Variants in CACNA1E observed in about 807,000 individuals in gnomAD.
The protein encoded by CACNA1E is voltage-dependent R-type calcium channel subunit alpha-1E.
A neutral mutation model predicts 259.2 loss-of-function variants in CACNA1E; 40 were observed. The observed-to-expected ratio is 0.15, with a 90% CI of 0.12 to 0.20. The LOEUF (loss-of-function observed/expected upper bound fraction) is 0.20, where lower values mean the gene tolerates loss of function less well. CACNA1E is among the 10% of genes least tolerant of loss of function. The probability of loss-of-function intolerance (pLI) is 1.00; values close to 1 mark genes in which losing one functional copy is unlikely to be tolerated. For missense variants in CACNA1E, 1,874 were observed against 3,040.1 expected, an observed-to-expected ratio of 0.62 and a Z score of 9.02; for synonymous variants, 1,104 against 1,138.5, an observed-to-expected ratio of 0.97 and a Z score of 0.61.
At chr1:181,645,174 T>G (rs1166556732) in intron 6 of CACNA1E, among the ~76,000 whole-genome samples, 1 of 152,154 alleles carries the variant, frequency 6.6e-6, no homozygotes, top group Non-Finnish European at 1.5e-5. Flanking sequence ...TCAGATGGGA[T>G]TTCCAATTAG....
At chr1:181,681,600 T>A (rs975877603) in intron 7 of CACNA1E, among the ~76,000 whole-genome samples, 1 of 149,628 alleles carries the variant, frequency 6.7e-6, no homozygotes, top group Non-Finnish European at 1.5e-5. Context: ...ATCATGTTAC[T>A]CCCTTATGTA....
chr1:181,717,126 C>T lies in CACNA1E; in HGVS notation c.1349C>T (p.Ala450Val), dbSNP rs770425338. ...TPLARASIKS[A>V]KVDGVSYFRH... ...CTGGCCCGAGCCAGTATCAAAAGTG[C>T]AAAGGTAGACGGGGTCTCTTATTTC... Residue 450 changes from alanine (A) to valine (V), a missense_variant, in exon 11 of 48, where the codon GCA becomes GTA. By Grantham distance (64) the Ala-to-Val change is moderately conservative. Coordinates refer to ENST00000367573, the MANE Select transcript of CACNA1E (RefSeq NM_001205293.3). 3.0e-5 allele frequency: 48 copies of T among 1,613,940 alleles called. 1 individual carries two copies. In the South Asian group the frequency reaches 5.1e-4, roughly 17 times the overall value.
intron 7 of CACNA1E, among the ~76,000 whole-genome samples, chr1:181,684,366 T>A (rs1199924815): frequency 6.6e-6 from 1 of 152,208 alleles, no homozygotes; most frequent in Non-Finnish European, 1.5e-5. Flanking sequence ...TCTTATAGAT[T>A]CTGGATATTA....
intron 3 of CACNA1E, among the ~76,000 whole-genome samples, chr1:181,545,417 T>C (rs903111222): frequency 1.3e-5 from 2 of 152,214 alleles, no homozygotes; most frequent in Admixed American, 1.3e-4. Flanking sequence ...CTCAGCGCAC[T>C]GAGGCAGGGA....
At chr1:181,382,648 A>G (rs1655535217) in intron 1 of CACNA1E, among the ~76,000 whole-genome samples, 1 of 152,210 alleles carries the variant, frequency 6.6e-6, no homozygotes, top group African/African-American at 2.4e-5. Flanking sequence ...TTGACCAACC[A>G]CCTTATTTTC....
rs541258922 is a variant in CACNA1E at position 181,687,617 on chromosome 1, A to G, written c.1056-23337A>G. On this transcript the variant is annotated intron_variant, in intron 7 of 47. Coordinates refer to ENST00000367573, the MANE Select transcript of CACNA1E (RefSeq NM_001205293.3). ...TTTTATGACTTTTGAAAGAAGGGGC[A>G]TTGGGACAAATAAAAGGATACAGCC... Among the ~76,000 whole-genome samples, 5 of 152,320 alleles carry G rather than the reference A, an allele frequency of 3.3e-5. No homozygotes were observed. In the East Asian group the frequency reaches 9.6e-4, roughly 29 times the overall value.
chr1:181,435,348 A>G (rs1660016459), intron 2 of CACNA1E, among the ~76,000 whole-genome samples: 1 of 152,210 alleles, frequency 6.6e-6, no homozygotes, highest in Non-Finnish European at 1.5e-5. Context: ...TGAAATTACT[A>G]CAGAAAATTA....
At chr1:181,427,783 C>A (rs988143447) in intron 2 of CACNA1E, among the ~76,000 whole-genome samples, 1 of 149,646 alleles carries the variant, frequency 6.7e-6, no homozygotes, top group African/African-American at 2.5e-5. Context: ...AAAATTCCCC[C>A]TCCCTCCCTC....
intron 1 of CACNA1E, among the ~76,000 whole-genome samples, chr1:181,397,001 A>G (rs1571761493): frequency 1.3e-5 from 2 of 152,334 alleles, no homozygotes; most frequent in Non-Finnish European, 2.9e-5. Context: ...AACCTGGCCA[A>G]TGGAACAGCT....
At chr1:181,596,358 C>T (rs184733807) in intron 6 of CACNA1E, among the ~76,000 whole-genome samples, 11 of 152,304 alleles carry the variant, frequency 7.2e-5, no homozygotes, top group Admixed American at 2.6e-4. Context: ...AGTTACCTAC[C>T]GCACCTGGAA....
At chr1:181,757,804 A>G in intron 30 of CACNA1E, 143 bp from the exon 31 acceptor site, 3 of 811,616 alleles carry the variant, frequency 3.7e-6, no homozygotes, top group Middle Eastern at 2.4e-4. Flanking sequence ...AGTTTTGTCC[A>G]AGTGACCCCA....
chr1:181,597,938 C>G (rs534988626), intron 6 of CACNA1E, among the ~76,000 whole-genome samples: 1 of 152,200 alleles, frequency 6.6e-6, no homozygotes, highest in Non-Finnish European at 1.5e-5. Flanking sequence ...TCCCACGACA[C>G]GTGGGAACTG....
chr1:181,746,670 T>G (rs1657115412), intron 25 of CACNA1E, among the ~76,000 whole-genome samples: 1 of 152,050 alleles, frequency 6.6e-6, no homozygotes, highest in Non-Finnish European at 1.5e-5. Context: ...ATCTGTAACT[T>G]TTTTTTTCCT....
chr1:181,546,575 T>G (rs1238667413), intron 3 of CACNA1E, among the ~76,000 whole-genome samples: 5 of 152,164 alleles, frequency 3.3e-5, no homozygotes, highest in African/African-American at 9.7e-5. Context: ...TAAAGTTATG[T>G]GAGGGACTGT....
At chr1:181,464,413 T>C (rs1307310903) in intron 2 of CACNA1E, among the ~76,000 whole-genome samples, 2 of 152,038 alleles carry the variant, frequency 1.3e-5, no homozygotes, top group Admixed American at 1.3e-4. Flanking sequence ...TCAAGAGAGT[T>C]GAAAATTTTT....
intron 7 of CACNA1E, among the ~76,000 whole-genome samples, chr1:181,657,121 A>T (rs1451581705): frequency 1.3e-5 from 2 of 152,218 alleles, no homozygotes; most frequent in African/African-American, 4.8e-5. Flanking sequence ...ATTCCATGAA[A>T]TATGAAATTG....
chr1:181,720,889 A>G lies in CACNA1E; in HGVS notation c.1956+34A>G, dbSNP rs1369770503. The G allele has an allele frequency of 7.1e-6, 10 of 1,410,700 alleles. No individual in the cohort carries two copies. The Admixed American group carries it at 1.0e-4, about 15-fold the overall frequency. The allele number at this position is 1,410,700 out of a possible 1,614,324, so 87.4% of individuals were successfully genotyped here. ...CCAGCTGACGGTTCACAAGTGCTGC[A>G]TGGGGTCCCTTGGACTGCACACTGC... On this transcript the variant is annotated intron_variant, in intron 15 of 47. Coordinates refer to ENST00000367573, the MANE Select transcript of CACNA1E (RefSeq NM_001205293.3).
At chr1:181,505,641 T>G (rs1310802689) in intron 1 of CACNA1E, among the ~76,000 whole-genome samples, 6 of 152,136 alleles carry the variant, frequency 3.9e-5, no homozygotes, top group African/African-American at 1.4e-4. Flanking sequence ...CTGAAAGTGC[T>G]GGGATTACAG....
intron 2 of CACNA1E, among the ~76,000 whole-genome samples, chr1:181,469,107 C>A (rs1327400704): frequency 6.6e-6 from 1 of 151,924 alleles, no homozygotes; most frequent in Admixed American, 6.6e-5. Context: ...CAACATTGTA[C>A]AAGCGCTTCA....
Sources: gnomAD v4.1 joint callset for allele counts (sites outside exome capture counted in the v4.1 genomes callset) on GRCh38, gnomAD v4.1.1 for gene constraint, MANE v1.5 for transcripts, NCBI Gene and HGNC (gene_info 2026-07-23, HGNC 2026-07-21) for gene names.